HDHD2: variants seen among roughly 807,000 people sequenced by gnomAD.
HDHD2 encodes the protein haloacid dehalogenase like hydrolase domain containing 2.
Under a neutral mutation model 24.8 loss-of-function variants are expected in HDHD2, and 26 were observed. The observed-to-expected ratio is 1.05, with a 90% CI of 0.77 to 1.45. The LOEUF is 1.45. Among genes scored for constraint, HDHD2 ranks in the 40% most tolerant of loss-of-function variants. The probability of loss-of-function intolerance (pLI) is 0.00; values close to 1 mark genes in which losing one functional copy is unlikely to be tolerated. For synonymous variants in HDHD2, 128 were observed against 114.9 expected (o/e 1.11, Z -0.73); for missense variants, 299 against 313.4 (o/e 0.95, Z 0.35).
intron 2 of HDHD2, among the ~76,000 whole-genome samples, 191 bp from the exon 3 acceptor site, chr18:47,134,895 TAA>T (rs2063749495): frequency 1.3e-5 from 2 of 152,234 alleles, no homozygotes. Flanking sequence ...TCACCAGATG[TAA>T]AAAGATTTTT....
chr18:47,119,804 T>TA (rs1298686933), intron 4 of HDHD2, among the ~76,000 whole-genome samples: 1 of 152,198 alleles, frequency 6.6e-6, no homozygotes, highest in African/African-American at 2.4e-5. Context: ...CCTTACAAAA[T>TA]ATATTTTTTA....
intron 6 of HDHD2, 70 bp downstream of exon 6, chr18:47,112,907 G>A: frequency 1.5e-6 from 2 of 1,312,106 alleles, no homozygotes; most frequent in Non-Finnish European, 2.2e-6. Flanking sequence ...TTTCTGCAAA[G>A]ATTGTTCTTT....
chr18:47,123,579 T>C (rs2571008), intron 4 of HDHD2, among the ~76,000 whole-genome samples: 85,338 of 151,958 alleles, frequency 0.56, 24,077 homozygotes, highest in Middle Eastern at 0.62. Flanking sequence ...AAGGGTGAAA[T>C]TCTGTCTCAG....
chr18:47,136,950 TGCCAC>T, intron 1 of HDHD2: 1 of 486,672 alleles, frequency 2.1e-6, no homozygotes, highest in Admixed American at 3.3e-5. Flanking sequence ...TCCTCCTTTT[TGCCAC>T]TCTTGGTGCA....
intron 3 of HDHD2, among the ~76,000 whole-genome samples, chr18:47,133,724 T>A (rs997144131): frequency 2.6e-5 from 4 of 152,168 alleles, no homozygotes; most frequent in Non-Finnish European, 4.4e-5. Context: ...ATTTCTCTGA[T>A]GGCCAGTGAT....
intron 4 of HDHD2, among the ~76,000 whole-genome samples, chr18:47,123,618 A>G (rs899697074): frequency 6.6e-6 from 1 of 152,170 alleles, no homozygotes; most frequent in African/African-American, 2.4e-5. Context: ...ACAATTTACA[A>G]TACCATCAAA....
At position 47,150,407 on chromosome 18, in the gene HDHD2, G is replaced by T. The variant is rs970003326; in HGVS notation, c.-40C>A. On this transcript the variant is annotated 5_prime_UTR_variant, in exon 1 of 7. Transcript: ENST00000300605. ...ACTCCGTACGCCGTCCTCAGGAAAG[G>T]CCCCCGCTAATGGCAAAGCCAGCCA... The T allele has an allele frequency of 6.6e-6, 1 of 152,394 alleles. No homozygotes were observed. Among genetic ancestry groups the T allele is most frequent in the Non-Finnish European group, 1.5e-5 (1 of 68,182 alleles). The allele number at this position is 152,394 out of a possible 1,614,324, so 9.4% of individuals were successfully genotyped here.
At chr18:47,134,073 T>C (rs550970375) in intron 3 of HDHD2, among the ~76,000 whole-genome samples, 188 of 152,348 alleles carry the variant, frequency 1.2e-3, no homozygotes, top group Middle Eastern at 3.4e-3. Context: ...CTGAATGGTA[T>C]TGCCTAGGTT....
rs2063916240 is a variant in HDHD2 at position 47,150,176 on chromosome 18, T to C, written c.-11+202A>G. On this transcript the variant is annotated intron_variant, in intron 1 of 6. Coordinates refer to ENST00000300605, the MANE Select transcript of HDHD2 (RefSeq NM_032124.5). ...CCACAGCGCGCCTCGCGCCCAGCTA[T>C]GCGCACGCGCGGGGCCACTGCAAAG... 4.6e-5 allele frequency: 7 copies of C among 152,462 alleles called. No individual in the cohort carries two copies. The South Asian group carries it at 1.4e-3, about 32-fold the overall frequency. 9.4% of individuals were successfully genotyped at this position (152,462 alleles called of 1,614,324 possible). A position where few individuals can be genotyped will look rare whatever the true frequency, so the allele number is the denominator to read the frequency against.
chr18:47,130,222 A>C (rs1180850355), intron 4 of HDHD2, 22 bp downstream of exon 4: 1 of 1,441,002 alleles, frequency 6.9e-7, no homozygotes, highest in Non-Finnish European at 9.7e-7. Context: ...TGATCAGATG[A>C]AAAATAAATA....
chr18:47,124,040 A>G (rs1306450499), intron 4 of HDHD2, among the ~76,000 whole-genome samples: 1 of 152,272 alleles, frequency 6.6e-6, no homozygotes, highest in African/African-American at 2.4e-5. Context: ...ATTTACGTCA[A>G]AAGCACAATT....
At chr18:47,111,565 C>A in intron 6 of HDHD2, 1 of 985,318 alleles carries the variant, frequency 1.0e-6, no homozygotes. Context: ...CTCTTTTCTG[C>A]TTACATCACA....
chr18:47,134,309 CA>C, intron 3 of HDHD2, 186 bp downstream of exon 3: 1 of 602,478 alleles, frequency 1.7e-6, no homozygotes. Context: ...TAATGTGTTT[CA>C]CTTACTGTGG....
intron 1 of HDHD2, among the ~76,000 whole-genome samples, chr18:47,145,129 G>A (rs1382890712): frequency 3.3e-5 from 5 of 152,138 alleles, no homozygotes; most frequent in East Asian, 1.9e-4. Context: ...CTTGCTATAC[G>A]CCAATGGCAA....
intron 1 of HDHD2, among the ~76,000 whole-genome samples, chr18:47,142,360 C>A (rs747322665): frequency 2.0e-5 from 3 of 151,742 alleles, no homozygotes; most frequent in Non-Finnish European, 4.4e-5. Context: ...TACTTTTTGG[C>A]CTGCAAAGCC....
intron 1 of HDHD2, chr18:47,137,212 A>G (rs1004405004): frequency 9.2e-6 from 6 of 651,656 alleles, no homozygotes; most frequent in Non-Finnish European, 1.7e-5. Context: ...TTGATGGGCA[A>G]TCAATCACTG....
chr18:47,126,707 A>G (rs1249661736), intron 4 of HDHD2, among the ~76,000 whole-genome samples: 1 of 152,140 alleles, frequency 6.6e-6, no homozygotes, highest in African/African-American at 2.4e-5. Context: ...TAATATAGGG[A>G]AAAAAGGCCT....
At chr18:47,134,303 G>A in intron 3 of HDHD2, 193 bp downstream of exon 3, 1 of 598,878 alleles carries the variant, frequency 1.7e-6, no homozygotes, top group South Asian at 2.0e-5. Context: ...ACTATGTAAT[G>A]TGTTTCACTT....
intron 1 of HDHD2, among the ~76,000 whole-genome samples, chr18:47,143,122 G>A (rs1160766868): frequency 6.6e-6 from 1 of 152,050 alleles, no homozygotes; most frequent in Non-Finnish European, 1.5e-5. Flanking sequence ...AAAAAATTTA[G>A]AAGCACGTGT....
Sources: allele counts gnomAD v4.1 joint callset (sites outside exome capture counted in the v4.1 genomes callset), GRCh38; gene constraint gnomAD v4.1.1; transcripts MANE v1.5; gene names NCBI Gene and HGNC (gene_info 2026-07-23, HGNC 2026-07-21).